SPMIP6: variants seen among roughly 807,000 people sequenced by gnomAD.
SPMIP6 encodes ciliated bronchial epithelial protein 1.
At chr9:34,388,932 C>CTTTTTTTTTTTT in the SPMIP6 span, among the ~76,000 whole-genome samples, 2 of 109,818 alleles carry the variant, frequency 1.8e-5, no homozygotes, top group Admixed American at 1.0e-4. Flanking sequence ...CTCTCTCTTT[C>CTTTTTTTTTTTT]TTTTTTTTTT....
chr9:34,395,732 T>C, the SPMIP6 span, among the ~76,000 whole-genome samples: 1 of 152,234 alleles, frequency 6.6e-6, no homozygotes, highest in African/African-American at 2.4e-5. Context: ...TCCAAATCTC[T>C]AATCTGTTAT....
At chr9:34,381,134 G>A in the SPMIP6 span, 1 of 1,577,430 alleles carries the variant, frequency 6.3e-7, no homozygotes, top group Non-Finnish European at 8.6e-7. This position sits in a 1 kb window ranked among gnomAD's most constrained non-coding sequence, Gnocchi z 4.4. Flanking sequence ...TTCGCGCTCT[G>A]CTCCCGCGGG....
At chr9:34,379,270 C>T in the SPMIP6 span, 2 of 810,190 alleles carry the variant, frequency 2.5e-6, no homozygotes, top group Non-Finnish European at 4.3e-6. This position sits in a 1 kb window ranked among gnomAD's most constrained non-coding sequence, Gnocchi z 4.2. Flanking sequence ...CTTATCCCTA[C>T]ACTTTGTCTA....
chr9:34,396,035 A>G, the SPMIP6 span, among the ~76,000 whole-genome samples: 2 of 152,210 alleles, frequency 1.3e-5, no homozygotes, highest in East Asian at 3.8e-4. Context: ...TCCTAAGGGA[A>G]TAATTGGAAA....
chr9:34,380,910 G>T, the SPMIP6 span: 3 of 1,584,110 alleles, frequency 1.9e-6, no homozygotes, highest in African/African-American at 2.7e-5. Context: ...ACAGTCGGTT[G>T]CTCCCGGCAC....
chr9:34,379,242 C>A, the SPMIP6 span: 1 of 1,028,814 alleles, frequency 9.7e-7, no homozygotes, highest in Non-Finnish European at 1.5e-6. This position sits in a 1 kb window ranked among gnomAD's most constrained non-coding sequence, Gnocchi z 4.2. Flanking sequence ...ATATCTGACT[C>A]CAGTTTGCAA....
chr9:34,380,974 C>A, the SPMIP6 span: 2 of 1,608,148 alleles, frequency 1.2e-6, no homozygotes, highest in East Asian at 2.2e-5. Context: ...AGTAGTCCAT[C>A]CCGCGCAGAC....
the SPMIP6 span, chr9:34,379,704 C>T: frequency 6.2e-7 from 1 of 1,614,110 alleles, no homozygotes; most frequent in Non-Finnish European, 8.5e-7. This position sits in a 1 kb window ranked among gnomAD's most constrained non-coding sequence, Gnocchi z 4.2. Flanking sequence ...CACTGCATTC[C>T]GGGCCGGTGC....
the SPMIP6 span, among the ~76,000 whole-genome samples, chr9:34,387,514 A>ACG: frequency 6.6e-6 from 1 of 152,106 alleles, no homozygotes; most frequent in Non-Finnish European, 1.5e-5. Flanking sequence ...AGCTTTACAC[A>ACG]CACACACACA....
At chr9:34,379,230 G>A in the SPMIP6 span, 4 of 1,119,806 alleles carry the variant, frequency 3.6e-6, no homozygotes, top group Admixed American at 6.8e-5. The surrounding 1 kb of genome is among the most constrained non-coding windows in gnomAD (Gnocchi z 4.2). Context: ...ATGTCAAAGT[G>A]AATATCTGAC....
chr9:34,384,755 A>T, the SPMIP6 span, among the ~76,000 whole-genome samples: 1 of 152,206 alleles, frequency 6.6e-6, no homozygotes. Flanking sequence ...AGCCAGACAG[A>T]TTATATTATA....
the SPMIP6 span, chr9:34,379,177 C>A: frequency 1.9e-6 from 3 of 1,608,046 alleles, no homozygotes; most frequent in South Asian, 3.3e-5. The surrounding 1 kb of genome is among the most constrained non-coding windows in gnomAD (Gnocchi z 4.2). Context: ...TGACTTGTGT[C>A]CCATCTACAG....
the SPMIP6 span, among the ~76,000 whole-genome samples, chr9:34,386,707 C>A: frequency 6.6e-6 from 1 of 152,216 alleles, no homozygotes; most frequent in African/African-American, 2.4e-5. Flanking sequence ...TGGTCCTCAC[C>A]CTACCTTGAC....
chr9:34,397,363 T>C, the SPMIP6 span: 3 of 958,692 alleles, frequency 3.1e-6, no homozygotes, highest in South Asian at 2.9e-5. Flanking sequence ...TTACATACCA[T>C]TGTAAATTCT....
chr9:34,384,096 G>C, the SPMIP6 span, among the ~76,000 whole-genome samples: 1 of 152,230 alleles, frequency 6.6e-6, no homozygotes, highest in South Asian at 2.1e-4. Context: ...GCGAAGAGCA[G>C]CTGTCTGAGG....
At chr9:34,381,636 G>A in the SPMIP6 span, 1 of 1,435,558 alleles carries the variant, frequency 7.0e-7, no homozygotes, top group Non-Finnish European at 9.1e-7. This position sits in a 1 kb window ranked among gnomAD's most constrained non-coding sequence, Gnocchi z 4.4. Context: ...CAGGGGCGGG[G>A]TGGGGTAGGA....
At chr9:34,394,878 A>T in the SPMIP6 span, among the ~76,000 whole-genome samples, 1 of 152,162 alleles carries the variant, frequency 6.6e-6, no homozygotes, top group Non-Finnish European at 1.5e-5. Flanking sequence ...ATTAATTTTT[A>T]TTCAGAACTT....
the SPMIP6 span, chr9:34,381,331 C>G: frequency 6.2e-7 from 1 of 1,613,708 alleles, no homozygotes; most frequent in South Asian, 1.1e-5. The surrounding 1 kb of genome is among the most constrained non-coding windows in gnomAD (Gnocchi z 4.4). Flanking sequence ...CCAACCCTCT[C>G]CACCCGTTCT....
the SPMIP6 span, among the ~76,000 whole-genome samples, chr9:34,382,047 A>G: frequency 6.6e-6 from 1 of 152,138 alleles, no homozygotes; most frequent in Admixed American, 6.5e-5. Flanking sequence ...AAAGGAGGAG[A>G]AGGTGGAGCA....
Sources: allele counts gnomAD v4.1 joint callset (sites outside exome capture counted in the v4.1 genomes callset), GRCh38; gene constraint gnomAD v4.1.1; non-coding constraint Gnocchi (gnomAD v3.1); transcripts MANE v1.5; gene names NCBI Gene and HGNC (gene_info 2026-07-23, HGNC 2026-07-21).